SEMA3E: variants seen among roughly 807,000 people sequenced by gnomAD.
The protein encoded by SEMA3E is semaphorin-3E.
Under a neutral mutation model 93.6 loss-of-function variants are expected in SEMA3E, and 49 were observed. That is an observed-to-expected ratio of 0.52 (90% CI 0.42 to 0.66). SEMA3E has a LOEUF of 0.66. Among genes scored for constraint, SEMA3E ranks in the 30% least tolerant of loss-of-function variants. The pLI, the probability that SEMA3E is intolerant of heterozygous loss-of-function variation, is 0.00. For missense variants in SEMA3E, 906 were observed against 964.8 expected (o/e 0.94, Z 0.81); for synonymous variants, 363 against 330.7 (o/e 1.10, Z -1.06).
intron 5 of SEMA3E, among the ~76,000 whole-genome samples, chr7:83,417,463 T>C (rs554158375): frequency 6.6e-6 from 1 of 152,290 alleles, no homozygotes; most frequent in Non-Finnish European, 1.5e-5. Context: ...GTGAAGTCTC[T>C]ACATTTTATT....
chr7:83,430,553 T>C (rs944695188), intron 4 of SEMA3E, among the ~76,000 whole-genome samples: 2 of 152,038 alleles, frequency 1.3e-5, no homozygotes, highest in African/African-American at 2.4e-5. Context: ...CTGGAAACCA[T>C]TGCCCTTAGC....
At chr7:83,495,465 T>C (rs1367109635) in intron 1 of SEMA3E, among the ~76,000 whole-genome samples, 1 of 133,030 alleles carries the variant, frequency 7.5e-6, no homozygotes, top group South Asian at 2.5e-4. Context: ...AAGAGCATTA[T>C]AAACATAAAA....
chr7:83,565,943 T>A (rs2115850562), intron 1 of SEMA3E, among the ~76,000 whole-genome samples: 1 of 151,620 alleles, frequency 6.6e-6, no homozygotes, highest in Admixed American at 6.6e-5. Context: ...TTACAACACA[T>A]ATAAAAATTG....
chr7:83,404,499 T>C (rs1432886883), intron 9 of SEMA3E, among the ~76,000 whole-genome samples: 1 of 152,002 alleles, frequency 6.6e-6, no homozygotes, highest in Non-Finnish European at 1.5e-5. Context: ...ATCCTAATCA[T>C]TTTACCTGCA....
intron 10 of SEMA3E, among the ~76,000 whole-genome samples, 171 bp downstream of exon 10, chr7:83,402,461 A>G (rs572963951): frequency 7.2e-5 from 11 of 152,030 alleles, no homozygotes; most frequent in East Asian, 1.9e-4. Flanking sequence ...AACAAGGATA[A>G]AACTTGAGAT....
At chr7:83,429,207 A>C (rs891388073) in intron 4 of SEMA3E, among the ~76,000 whole-genome samples, 1 of 152,080 alleles carries the variant, frequency 6.6e-6, no homozygotes, top group Non-Finnish European at 1.5e-5. Context: ...AATTCAGCAC[A>C]TAAATATAAT....
intron 3 of SEMA3E, among the ~76,000 whole-genome samples, chr7:83,468,407 T>C (rs970597091): frequency 2.6e-5 from 4 of 152,176 alleles, no homozygotes; most frequent in Admixed American, 1.3e-4. Flanking sequence ...CTGAGCTAGA[T>C]TGACATGGCC....
chr7:83,504,732 G>A (rs999639544), intron 1 of SEMA3E, among the ~76,000 whole-genome samples: 5 of 151,854 alleles, frequency 3.3e-5, no homozygotes, highest in African/African-American at 1.2e-4. Flanking sequence ...ATAACCTGTC[G>A]TGAGGCAAAT....
chr7:83,646,838 C>A (rs892274919), intron 1 of SEMA3E, among the ~76,000 whole-genome samples: 9 of 151,830 alleles, frequency 5.9e-5, no homozygotes, highest in African/African-American at 2.2e-4. Flanking sequence ...TGATATTGAA[C>A]CATGAAAACA....
rs552192222 is a variant in SEMA3E, at chr7:83,577,573, T to C, written c.115+70855A>G. On this transcript the variant is annotated intron_variant, in intron 1 of 16. Transcript: ENST00000643230. ...TATTATATTTTGTCTGTATATTTTG[T>C]AATGTTTTGCTTAAATCAATTATAT... 2.6e-5 allele frequency among the ~76,000 whole-genome samples: 4 copies of C among 152,340 alleles called. No individual in the cohort carries two copies. The South Asian group carries it at 8.3e-4, about 32-fold the overall frequency.
At position 83,446,212 on chromosome 7, in the gene SEMA3E, C is replaced by G. The variant is rs140623141; in HGVS notation, c.456+20270G>C. On this transcript the variant is annotated intron_variant, in intron 4 of 16. Transcript: ENST00000643230. Reference sequence around the variant, plus strand: ...TTCTTTCCACTACATTAATCTATTCCCATCCACCCTCCAGAATAGTAGCAA... The same window carrying G: ...TTCTTTCCACTACATTAATCTATTCGCATCCACCCTCCAGAATAGTAGCAA... 1.7e-4 allele frequency among the ~76,000 whole-genome samples: 26 copies of G among 152,246 alleles called. 1 individual carries two copies. The East Asian group carries it at 5.0e-3, about 29-fold the overall frequency.
At chr7:83,614,235 T>C (rs74490239) in intron 1 of SEMA3E, among the ~76,000 whole-genome samples, 32,139 of 151,972 alleles carry the variant, frequency 0.21, 3,646 homozygotes, top group East Asian at 0.37. Context: ...TTCACATTCT[T>C]TCTCAGTGCC....
At chr7:83,487,232 T>C (rs1434029314) in intron 2 of SEMA3E, among the ~76,000 whole-genome samples, 1 of 152,090 alleles carries the variant, frequency 6.6e-6, no homozygotes, top group Non-Finnish European at 1.5e-5. Flanking sequence ...CTTGGTCTTA[T>C]GGTCCACATA....
In SEMA3E at chr7:83,367,719, A is replaced by T. The variant is rs1794692316; in HGVS notation, c.2195T>A (p.Val732Glu). 1 of 1,613,758 alleles carries T rather than the reference A, an allele frequency of 6.2e-7. No homozygotes were observed. The highest frequency in any genetic ancestry group is 8.5e-7 in the Non-Finnish European group (1 of 1,179,990). ...TTTCCTCTTTCTATCTGTGCACCAT[A>T]CTTTCTCGCAGTATTCTTCCACTCT... ...FQRVEEYCEK[V>E]WCTDRKRKKL... Residue 732 changes from valine to glutamate, a missense_variant, in exon 17 of 17, where the codon GTA becomes GAA. Val to Glu is a moderately radical substitution (Grantham distance 121). Transcript: ENST00000643230.
At chr7:83,630,821 A>G (rs963700010) in intron 1 of SEMA3E, among the ~76,000 whole-genome samples, 1 of 152,230 alleles carries the variant, frequency 6.6e-6, no homozygotes, top group African/African-American at 2.4e-5. Flanking sequence ...AAAACAAAAT[A>G]GAGGCTGCAA....
At chr7:83,409,801 T>C (rs1276895228) in intron 5 of SEMA3E, among the ~76,000 whole-genome samples, 1 of 151,728 alleles carries the variant, frequency 6.6e-6, no homozygotes, top group East Asian at 1.9e-4. Flanking sequence ...TAATTATTTA[T>C]GAAGGACTTT....
At chr7:83,597,303 G>A (rs1255222462) in intron 1 of SEMA3E, among the ~76,000 whole-genome samples, 1 of 152,090 alleles carries the variant, frequency 6.6e-6, no homozygotes, top group Non-Finnish European at 1.5e-5. Context: ...TCTGGTTATT[G>A]TAGTTCTCAG....
intron 1 of SEMA3E, among the ~76,000 whole-genome samples, chr7:83,615,069 C>T (rs917064570): frequency 6.6e-6 from 1 of 152,176 alleles, no homozygotes; most frequent in Admixed American, 6.6e-5. Flanking sequence ...TAAGATACAA[C>T]TCCTGCTCTA....
chr7:83,469,782 ATTAT>A (rs1248945862), intron 2 of SEMA3E, among the ~76,000 whole-genome samples: 1 of 151,918 alleles, frequency 6.6e-6, no homozygotes, highest in Non-Finnish European at 1.5e-5. Flanking sequence ...TGTCTCTTTG[ATTAT>A]TTATTTATTT....
Sources: gnomAD v4.1 joint callset for allele counts (sites outside exome capture counted in the v4.1 genomes callset) on GRCh38, gnomAD v4.1.1 for gene constraint, MANE v1.5 for transcripts, NCBI Gene and HGNC (gene_info 2026-07-23, HGNC 2026-07-21) for gene names.